Variants in SORCS2 observed in about 807,000 individuals in gnomAD.
The protein encoded by SORCS2 is sortilin related VPS10 domain containing receptor 2, also known as VPS10 domain-containing receptor SorCS2.
SORCS2 carries 100 observed loss-of-function variants against 141.6 expected under a neutral mutation model. The observed-to-expected ratio is 0.71, with a 90% CI of 0.60 to 0.83. The LOEUF (loss-of-function observed/expected upper bound fraction) is 0.83, where lower values mean the gene tolerates loss of function less well. Ranked by LOEUF, SORCS2 falls within the 40% of genes least tolerant of loss-of-function variation. SORCS2 has a pLI of 0.00. For synonymous variants in SORCS2, 789 were observed against 676.9 expected, an observed-to-expected ratio of 1.17 and a Z score of -2.57; for missense variants, 1,646 against 1,560.2, an observed-to-expected ratio of 1.05 and a Z score of -0.93.
chr4:7,407,920 A>G (rs57340071), intron 2 of SORCS2, among the ~76,000 whole-genome samples: 2 of 147,252 alleles, frequency 1.4e-5, no homozygotes, highest in Admixed American at 6.9e-5. Flanking sequence ...AATAATTTAG[A>G]TCACAAAGAA....
rs919892848 is a variant in SORCS2 at position 7,298,966 on chromosome 4, C to T, written c.481-97322C>T. On this transcript the variant is annotated intron_variant, in intron 1 of 26. Transcript: ENST00000507866. ...AAGATAATTAAAAGTGACCCAGCAT[C>T]GCAGAGTTGTGCAAATTGCAGGATT... Among the ~76,000 whole-genome samples, 9 of 152,264 alleles carry T rather than the reference C, an allele frequency of 5.9e-5. No homozygotes were observed. The East Asian group carries it at 1.5e-3, about 26-fold the overall frequency.
chr4:7,682,928 T>G (rs1378157735), intron 10 of SORCS2, 39 bp downstream of exon 10: 22 of 1,599,688 alleles, frequency 1.4e-5, no homozygotes, highest in Non-Finnish European at 1.9e-5. Context: ...ATCCTTGGCG[T>G]GGATGCTAGA....
At chr4:7,453,643 A>T (rs1207619059) in intron 2 of SORCS2, among the ~76,000 whole-genome samples, 9 of 75,936 alleles carry the variant, frequency 1.2e-4, no homozygotes, top group East Asian at 9.1e-4. Context: ...GGGGTCAGGC[A>T]CTGTGTTGGG....
chr4:7,684,469 C>G (rs182127578), intron 10 of SORCS2, among the ~76,000 whole-genome samples: 52 of 152,250 alleles, frequency 3.4e-4, no homozygotes, highest in Admixed American at 1.5e-3. Context: ...CCTACTAACA[C>G]CTGAAAACCC....
chr4:7,294,142 G>A (rs2108883246), intron 1 of SORCS2, among the ~76,000 whole-genome samples: 1 of 152,316 alleles, frequency 6.6e-6, no homozygotes, highest in South Asian at 2.1e-4. Flanking sequence ...TCAGCTGAGA[G>A]GTTCTGAGCG....
chr4:7,328,388 G>A (rs1457941037), intron 1 of SORCS2, among the ~76,000 whole-genome samples: 1 of 151,962 alleles, frequency 6.6e-6, no homozygotes, highest in East Asian at 1.9e-4. Context: ...GCTCTTCTAG[G>A]AGGCAGGAGC....
intron 12 of SORCS2, among the ~76,000 whole-genome samples, chr4:7,700,766 T>G (rs1247731474): frequency 6.6e-6 from 1 of 152,136 alleles, no homozygotes; most frequent in Non-Finnish European, 1.5e-5. Context: ...GGGGGACATC[T>G]GGGGAGCCCC....
At chr4:7,434,045 A>T (rs558167422) in intron 2 of SORCS2, 1 of 1,610,634 alleles carries the variant, frequency 6.2e-7, no homozygotes, top group Non-Finnish European at 8.5e-7. Flanking sequence ...TTCCTTGGCA[A>T]CCCCAGCTCC....
chr4:7,462,744 C>T (rs1290600845), intron 2 of SORCS2, among the ~76,000 whole-genome samples: 1 of 151,448 alleles, frequency 6.6e-6, no homozygotes, highest in Non-Finnish European at 1.5e-5. Context: ...GGGCCCCAGC[C>T]CCTGTGCACG....
chr4:7,255,992 A>C (rs1344528981), intron 1 of SORCS2, among the ~76,000 whole-genome samples: 1 of 149,078 alleles, frequency 6.7e-6, no homozygotes. Context: ...GGATTGGTGC[A>C]TGGGGACCCT....
chr4:7,426,282 G>A (rs1309792655), intron 2 of SORCS2, among the ~76,000 whole-genome samples: 4 of 111,360 alleles, frequency 3.6e-5, no homozygotes, highest in East Asian at 2.0e-4. Flanking sequence ...ATCGGATCCC[G>A]GGGCTGGTGG....
intron 1 of SORCS2, among the ~76,000 whole-genome samples, chr4:7,270,807 T>C (rs1467633513): frequency 1.3e-5 from 2 of 152,266 alleles, no homozygotes; most frequent in African/African-American, 4.8e-5. Flanking sequence ...AAAAACACTT[T>C]ATTTTTCTGA....
At chr4:7,544,886 C>G (rs1019323107) in intron 3 of SORCS2, among the ~76,000 whole-genome samples, 1 of 152,160 alleles carries the variant, frequency 6.6e-6, no homozygotes, top group African/African-American at 2.4e-5. Context: ...GAACAGAAGC[C>G]TGAGTGTGGA....
At chr4:7,370,920 G>A (rs1722208412) in intron 1 of SORCS2, among the ~76,000 whole-genome samples, 1 of 152,168 alleles carries the variant, frequency 6.6e-6, no homozygotes, top group African/African-American at 2.4e-5. Flanking sequence ...GCTGATTCTT[G>A]AAGACTTGCC....
intron 1 of SORCS2, among the ~76,000 whole-genome samples, chr4:7,331,416 A>G (rs1719647951): frequency 6.6e-6 from 1 of 152,110 alleles, no homozygotes; most frequent in Non-Finnish European, 1.5e-5. Context: ...TGGACCCCAC[A>G]CTGTGTGTTT....
At chr4:7,724,115 ATGGTGGTGGTGGTGGTGGTGGTGG>A (rs757064728) in intron 19 of SORCS2, among the ~76,000 whole-genome samples, 2 of 145,112 alleles carry the variant, frequency 1.4e-5, no homozygotes, top group Admixed American at 1.3e-4. Context: ...AGTGGTGGTG[ATGGTGGTGGTGGTGGTGGTGGTGG>A]TGATGGTCGT....
intron 2 of SORCS2, among the ~76,000 whole-genome samples, chr4:7,455,289 G>A (rs1728816649): frequency 1.9e-5 from 1 of 51,866 alleles, no homozygotes; most frequent in Non-Finnish European, 3.6e-5. Flanking sequence ...GGTGCTGTGT[G>A]TTGGGGTCAG....
chr4:7,528,535 C>T (rs1195992031), intron 2 of SORCS2, among the ~76,000 whole-genome samples: 7 of 152,132 alleles, frequency 4.6e-5, no homozygotes, highest in Non-Finnish European at 7.3e-5. Context: ...AAGAGATTCT[C>T]GTGCCTCAGC....
intron 1 of SORCS2, among the ~76,000 whole-genome samples, chr4:7,210,164 C>T (rs4624652): frequency 0.31 from 46,923 of 152,090 alleles, 7,880 homozygotes; most frequent in Non-Finnish European, 0.37. Flanking sequence ...TTGTGTGGGG[C>T]CAGGTGGGTG....
Sources: gnomAD v4.1 joint callset for allele counts (sites outside exome capture counted in the v4.1 genomes callset) on GRCh38, gnomAD v4.1.1 for gene constraint, MANE v1.5 for transcripts, NCBI Gene and HGNC (gene_info 2026-07-23, HGNC 2026-07-21) for gene names.